Variants in ELOVL6 observed in about 807,000 individuals in gnomAD.
The protein encoded by ELOVL6 is ELOVL fatty acid elongase 6.
In ELOVL6, 8 loss-of-function variants were observed where a neutral mutation model predicts 31.7. The ratio of observed to expected loss-of-function variants is 0.25; its 90% CI spans 0.15 to 0.45. The LOEUF is 0.45. ELOVL6 is among the 20% of genes least tolerant of loss of function. The probability of loss-of-function intolerance (pLI) is 1.00; values close to 1 mark genes in which losing one functional copy is unlikely to be tolerated. For synonymous variants in ELOVL6, 101 were observed against 117.7 expected (o/e 0.86, Z 0.92); for missense variants, 126 against 326.4 (o/e 0.39, Z 4.73).
intron 1 of ELOVL6, among the ~76,000 whole-genome samples, chr4:110,158,650 TATATA>T (rs1392901693): frequency 3.3e-5 from 3 of 91,690 alleles, no homozygotes; most frequent in African/African-American, 1.2e-4. Flanking sequence ...TATATATATA[TATATA>T]TATTTTTTTT....
At chr4:110,144,316 T>A (rs1014661776) in intron 1 of ELOVL6, among the ~76,000 whole-genome samples, 1 of 152,158 alleles carries the variant, frequency 6.6e-6, no homozygotes, top group Non-Finnish European at 1.5e-5. Context: ...TGGAGAGCCA[T>A]AGGGAGTAGC....
chr4:110,173,160 G>A (rs922841163), intron 1 of ELOVL6, among the ~76,000 whole-genome samples: 6 of 152,178 alleles, frequency 3.9e-5, no homozygotes, highest in South Asian at 4.2e-4. Context: ...CTGCTTCTCC[G>A]CCCAGACAGA....
intron 2 of ELOVL6, among the ~76,000 whole-genome samples, chr4:110,091,963 A>C (rs1560819604): frequency 6.6e-6 from 1 of 152,226 alleles, no homozygotes; most frequent in Non-Finnish European, 1.5e-5. Flanking sequence ...ATAACAATGA[A>C]TACAGTGAGG....
At position 110,089,587 on chromosome 4, in the gene ELOVL6, A is replaced by T. The variant is rs537085392; in HGVS notation, c.221+15910T>A. 2.6e-5 allele frequency among the ~76,000 whole-genome samples: 4 copies of T among 152,330 alleles called. No homozygotes were observed. In the East Asian group the frequency reaches 7.7e-4, roughly 29 times the overall value. On this transcript the variant is annotated intron_variant, in intron 2 of 3. Transcript: ENST00000302274. ...CAATGTCAAACTTCTGGATTTCCTG[A>T]TAATTGAAATTCACTCCTAAGAGAT...
chr4:110,084,306 C>CATATAACATATATAAATTTGATAT (rs1756100479), intron 2 of ELOVL6, among the ~76,000 whole-genome samples: 1 of 79,236 alleles, frequency 1.3e-5, no homozygotes, highest in Non-Finnish European at 2.1e-5. Flanking sequence ...TGATATATAA[C>CATATAACATATATAAATTTGATAT]ATATAACATA....
intron 1 of ELOVL6, among the ~76,000 whole-genome samples, chr4:110,125,960 A>G (rs917951331): frequency 1.3e-5 from 2 of 152,156 alleles, no homozygotes; most frequent in African/African-American, 4.8e-5. Context: ...AATCAGAGTG[A>G]GAGAAGGGAG....
At chr4:110,160,571 T>A (rs1758604497) in intron 1 of ELOVL6, among the ~76,000 whole-genome samples, 1 of 152,204 alleles carries the variant, frequency 6.6e-6, no homozygotes, top group Non-Finnish European at 1.5e-5. Flanking sequence ...TCAACACCAG[T>A]CTCATGGTGG....
rs1250384604 is a variant in ELOVL6 at position 110,083,980 on chromosome 4, C to CTATATATGATATATATGATATATATAA, written c.221+21516_221+21517insTTATATATATCATATATATCATATATA. 3.8e-4 allele frequency among the ~76,000 whole-genome samples: 27 copies of CTATATATGATATATATGATATATATAA among 71,694 alleles called. 1 individual carries two copies. The highest frequency in any genetic ancestry group is 3.1e-3 in the South Asian group (7 of 2,252). The allele number at this position is 71,694 out of a possible 152,430, so 47.0% of individuals were successfully genotyped here. On this transcript the variant is annotated intron_variant, in intron 2 of 3. Transcript: ENST00000302274. ...TATGATATATATGATATAACATATG[C>CTATATATGATATATATGATATATATAA]CATATACGATATATAACATATGCCA...
chr4:110,059,418 T>C (rs891238065), intron 3 of ELOVL6, among the ~76,000 whole-genome samples, 185 bp downstream of exon 3: 6 of 152,174 alleles, frequency 3.9e-5, no homozygotes, highest in Non-Finnish European at 8.8e-5. Context: ...CAATGTAAAA[T>C]TATTTAAAAG....
chr4:110,194,699 C>T (rs973219905), intron 1 of ELOVL6, among the ~76,000 whole-genome samples: 1 of 152,154 alleles, frequency 6.6e-6, no homozygotes, highest in Non-Finnish European at 1.5e-5. Flanking sequence ...GGTATGTTAA[C>T]ATTAATTTGC....
chr4:110,105,646 A>G lies in ELOVL6; in HGVS notation c.90-18T>C. On this transcript the variant is annotated intron_variant, in intron 1 of 3. Coordinates refer to ENST00000302274, the MANE Select transcript of ELOVL6 (RefSeq NM_024090.3). ...ATTTCTTCCTGCAAACAAGCAAACA[A>G]AATCTTTAAGATATTTTTAGTCATT... The G allele has an allele frequency of 6.2e-7, 1 of 1,605,418 alleles. No homozygotes were observed. Among genetic ancestry groups the G allele is most frequent in the Non-Finnish European group, 8.5e-7 (1 of 1,175,836 alleles).
chr4:110,130,140 C>T (rs1326187000), intron 1 of ELOVL6, among the ~76,000 whole-genome samples: 1 of 151,986 alleles, frequency 6.6e-6, no homozygotes, highest in Non-Finnish European at 1.5e-5. Flanking sequence ...TCGTGACCCG[C>T]CCACCTCGGC....
chr4:110,148,878 T>C (rs1256457272), intron 1 of ELOVL6, among the ~76,000 whole-genome samples: 1 of 152,238 alleles, frequency 6.6e-6, no homozygotes, highest in Non-Finnish European at 1.5e-5. Context: ...TGTTTTATTT[T>C]GAGACAGAGT....
chr4:110,062,675 C>T (rs147407851), intron 2 of ELOVL6, among the ~76,000 whole-genome samples: 1 of 152,304 alleles, frequency 6.6e-6, no homozygotes, highest in African/African-American at 2.4e-5. Flanking sequence ...CTAGTCCTTA[C>T]TTAGGCTCAC....
chr4:110,172,172 C>T (rs1006522357), intron 1 of ELOVL6, among the ~76,000 whole-genome samples: 5 of 152,044 alleles, frequency 3.3e-5, no homozygotes, highest in Non-Finnish European at 5.9e-5. Context: ...GGGATTGGGA[C>T]TTTAACCTGT....
chr4:110,063,179 A>G (rs570900798), intron 2 of ELOVL6, among the ~76,000 whole-genome samples: 3 of 152,292 alleles, frequency 2.0e-5, no homozygotes, highest in Admixed American at 6.5e-5. Context: ...AGCTAGTTCA[A>G]TTTGCCACAT....
intron 1 of ELOVL6, among the ~76,000 whole-genome samples, chr4:110,195,475 G>A (rs1175315262): frequency 6.6e-6 from 1 of 152,084 alleles, no homozygotes; most frequent in Non-Finnish European, 1.5e-5. Flanking sequence ...CAGTTTTTGG[G>A]GAGGGAGGAG....
intron 1 of ELOVL6, among the ~76,000 whole-genome samples, chr4:110,110,841 G>C (rs1350148860): frequency 2.0e-5 from 3 of 152,128 alleles, no homozygotes; most frequent in Non-Finnish European, 1.5e-5. Flanking sequence ...TAAGGTAAAG[G>C]TTCCTTATTC....
intron 1 of ELOVL6, among the ~76,000 whole-genome samples, chr4:110,116,871 G>A (rs1397967071): frequency 6.6e-6 from 1 of 152,122 alleles, no homozygotes; most frequent in Non-Finnish European, 1.5e-5. Flanking sequence ...GACACAGATG[G>A]CAACTCCTTC....
Sources: allele counts gnomAD v4.1 joint callset (sites outside exome capture counted in the v4.1 genomes callset), GRCh38; gene constraint gnomAD v4.1.1; transcripts MANE v1.5; gene names NCBI Gene and HGNC (gene_info 2026-07-23, HGNC 2026-07-21).